Variants in TEKT4 observed in about 807,000 individuals in gnomAD.
The protein encoded by TEKT4 is tektin 4.
In TEKT4, 46 loss-of-function variants were observed where a neutral mutation model predicts 46.0. The observed-to-expected ratio is 1.00, with a 90% CI of 0.79 to 1.28. The LOEUF (loss-of-function observed/expected upper bound fraction) is 1.28, where lower values mean the gene tolerates loss of function less well. Ranked by LOEUF, TEKT4 falls within the 50% of genes most tolerant of loss-of-function variation. The probability of loss-of-function intolerance (pLI) is 0.00; values close to 1 mark genes in which losing one functional copy is unlikely to be tolerated. For synonymous variants in TEKT4, 325 were observed against 265.8 expected, an observed-to-expected ratio of 1.22 and a Z score of -2.17; for missense variants, 790 against 622.9, an observed-to-expected ratio of 1.27 and a Z score of -2.85.
At position 94,873,397 on chromosome 2, in the gene TEKT4, A is replaced by T. The variant is rs1208399172; in HGVS notation, c.499-123A>T. ...GAGAGAGCAGAACTTACACAGTCAG[A>T]GCTCAGGCCCGGCATTCAACTCCTT... On this transcript the variant is annotated intron_variant, in intron 1 of 5. Transcript: ENST00000295201. 6.1e-4 allele frequency: 949 copies of T among 1,551,566 alleles called. 11 individuals carry two copies. The highest frequency in any genetic ancestry group is 1.2e-4 in the Non-Finnish European group (140 of 1,150,586).
chr2:94,873,084 T>C (rs1680652044), intron 1 of TEKT4: 9 of 1,253,268 alleles, frequency 7.2e-6, no homozygotes, highest in Non-Finnish European at 9.3e-6. Flanking sequence ...ACAGGGTCCT[T>C]CTCCTGTTCT....
At position 94,874,125 on chromosome 2, in the gene TEKT4, C is replaced by A. The variant is rs782386782; in HGVS notation, c.713+17C>A. The A allele has an allele frequency of 2.9e-5, 47 of 1,610,534 alleles. No individual in the cohort carries two copies. The South Asian group carries it at 4.0e-4, about 14-fold the overall frequency. On this transcript the variant is annotated intron_variant, in intron 3 of 5. Transcript: ENST00000295201. Reference sequence around the variant, plus strand: ...CCAAGAGAGGTGGGCCCCAGCTCTGCCCCTGCACTTGCCCTGGCTGTGGTC... The same window carrying A: ...CCAAGAGAGGTGGGCCCCAGCTCTGACCCTGCACTTGCCCTGGCTGTGGTC...
chr2:94,875,914 T>C (rs570578131), intron 5 of TEKT4, among the ~76,000 whole-genome samples, 172 bp downstream of exon 5: 6 of 152,260 alleles, frequency 3.9e-5, no homozygotes, highest in South Asian at 4.2e-4. Context: ...CACACAGACA[T>C]ACACATGACA....
At chr2:94,872,129 C>G in intron 1 of TEKT4, 52 bp downstream of exon 1, 2 of 1,472,862 alleles carry the variant, frequency 1.4e-6, no homozygotes, top group South Asian at 2.7e-5. Flanking sequence ...AGGAGGAGCC[C>G]CCCCCCCCGC....
rs782615593 is a variant in TEKT4 at position 94,874,095 on chromosome 2, A to C, written c.700A>C (p.Thr234Pro). Residue 234 changes from threonine to proline, a missense_variant, in exon 3 of 6, where the codon ACC becomes CCC. Thr to Pro is a conservative substitution (Grantham distance 38). Transcript: ENST00000295201. The part of the protein sequence containing the change: ...TEVQAHPYST[T>P]FQESASTPET... ...GGTGCAGGCTCATCCGTACTCCACC[A>C]CCTTCCAAGAGAGGTGGGCCCCAGC... 5.6e-6 allele frequency: 9 copies of C among 1,613,248 alleles called. No individual in the cohort carries two copies. In the African/African-American group the frequency reaches 9.3e-5, roughly 17 times the overall value.
At position 94,875,635 on chromosome 2, in the gene TEKT4, G is replaced by A. The variant is rs1680810268; in HGVS notation, c.984G>A (p.Lys328=). The A allele has an allele frequency of 6.2e-7, 1 of 1,614,176 alleles. No homozygotes were observed. The highest frequency in any genetic ancestry group is 1.7e-5 in the Admixed American group (1 of 60,028). Reference sequence around the variant, plus strand: ...AGGAACACAACGTGGCGGCACTGAAGCAGGCCATCAAGGACAAAGAGGCAC... The same window carrying A: ...AGGAACACAACGTGGCGGCACTGAAACAGGCCATCAAGGACAAAGAGGCAC... The part of the protein sequence containing the change: ...TDQEHNVAAL[K]QAIKDKEAPL... The change falls in exon 5 of 6, where the codon AAG becomes AAA. Residue 328 remains lysine (K), a synonymous_variant. Coordinates refer to ENST00000295201, the MANE Select transcript of TEKT4 (RefSeq NM_144705.4).
chr2:94,872,185 C>A (rs1280903712), intron 1 of TEKT4, 108 bp downstream of exon 1: 3 of 1,392,598 alleles, frequency 2.2e-6, no homozygotes, highest in African/African-American at 2.9e-5. Context: ...ACGCGGGAGC[C>A]CAGCCCTCTG....
intron 1 of TEKT4, chr2:94,872,944 T>C (rs111812103): frequency 1.5e-5 from 19 of 1,289,098 alleles, no homozygotes; most frequent in South Asian, 6.2e-5. Context: ...AACCCAGGGA[T>C]AGAGGGGCGC....
intron 4 of TEKT4, among the ~76,000 whole-genome samples, chr2:94,875,357 C>G (rs1413106067): frequency 6.6e-6 from 1 of 152,172 alleles, no homozygotes; most frequent in Non-Finnish European, 1.5e-5. Context: ...TGGTGACCAC[C>G]AAGGATGGGG....
rs200497825 is a variant in TEKT4, at chr2:94,876,539, C to A, written c.1092-14C>A. 2.1e-4 allele frequency: 327 copies of A among 1,594,686 alleles called. No individual in the cohort carries two copies. Among genetic ancestry groups the A allele is most frequent in the Non-Finnish European group, 2.6e-4 (308 of 1,172,282 alleles). On this transcript the variant is annotated splice_polypyrimidine_tract_variant and intron_variant, in intron 5 of 5. Transcript: ENST00000295201. ...CCTCCCTAGCCCCGGCTCACACCCCCCCAACACCCCCAGGCTGTTGAGTGA... is the reference window on the plus strand; with the variant it reads ...CCTCCCTAGCCCCGGCTCACACCCCACCAACACCCCCAGGCTGTTGAGTGA...
Position 94,874,794 on chromosome 2 carries a change from C to A in TEKT4, c.732C>A (p.Thr244=), listed in dbSNP as rs782623167. 1.9e-6 allele frequency: 3 copies of A among 1,589,316 alleles called. No homozygotes were observed. In the Admixed American group the frequency reaches 5.2e-5, roughly 28 times the overall value. ...TFQESASTPE[T]RAKFTQDNLC... ...CCCGCAGCGCCTCCACCCCGGAGAC[C>A]CGGGCCAAGTTCACGCAGGACAATC... Residue 244 remains threonine, a synonymous_variant, in exon 4 of 6, where the codon ACC becomes ACA. Coordinates refer to ENST00000295201, the MANE Select transcript of TEKT4 (RefSeq NM_144705.4).
In TEKT4 at chr2:94,873,531, C is replaced by CA; in HGVS notation, c.511dup (p.Ile171AsnfsTer127). 1 of 1,612,446 alleles carries CA rather than the reference C, an allele frequency of 6.2e-7. No homozygotes were observed. The highest frequency in any genetic ancestry group is 1.1e-5 in the South Asian group (1 of 91,002). On this transcript the variant is annotated frameshift_variant, in exon 2 of 6. Coordinates refer to ENST00000295201, the MANE Select transcript of TEKT4 (RefSeq NM_144705.4). LOFTEE classifies it high-confidence loss of function. ...GTCTCCTCCCTCAGGAAGCCGAGCT[C>CA]ATCCGGAACATTCAGGAGCTGCTGA...
In TEKT4 at chr2:94,871,713, T is replaced by TC; in HGVS notation, c.136dup (p.Gln46ProfsTer63). On this transcript the variant is annotated frameshift_variant, in exon 1 of 6. Coordinates refer to ENST00000295201, the MANE Select transcript of TEKT4 (RefSeq NM_144705.4). LOFTEE classifies it high-confidence loss of function. ...TCCAAGTACCTGCTGGAGGAGTGGT[T>TC]CCAGAACTGCTATGCTCGCTACCAC... 3 of 1,612,552 alleles carry TC rather than the reference T, an allele frequency of 1.9e-6. No homozygotes were observed. Among genetic ancestry groups the TC allele is most frequent in the Non-Finnish European group, 2.5e-6 (3 of 1,179,908 alleles).
In TEKT4 at chr2:94,874,896, C is replaced by T. The variant is rs782184577; in HGVS notation, c.834C>T (p.Ser278=). The T allele has an allele frequency of 1.3e-5, 21 of 1,611,766 alleles. No homozygotes were observed. The highest frequency in any genetic ancestry group is 1.7e-5 in the Admixed American group (1 of 59,888). ...VLVDCILRDT[S]EDLRLQCDAV... is the part of the protein sequence containing the mutation. ...TGGACTGCATCCTTCGCGACACCTC[C>T]GAGGACCTGCGGCTCCAGTGCGACG... Residue 278 remains serine, a synonymous_variant, in exon 4 of 6, where the codon TCC becomes TCT. Coordinates refer to ENST00000295201, the MANE Select transcript of TEKT4 (RefSeq NM_144705.4).
chr2:94,873,029 T>G, intron 1 of TEKT4: 1 of 1,287,732 alleles, frequency 7.8e-7, no homozygotes, highest in African/African-American at 1.5e-5. Flanking sequence ...AAAAGGCTTG[T>G]TCCTACACAC....
At position 94,872,909 on chromosome 2, in the gene TEKT4, G is replaced by A. The variant is rs1241814288; in HGVS notation, c.499-611G>A. On this transcript the variant is annotated intron_variant, in intron 1 of 5. Transcript: ENST00000295201. ...ACAAGGGCACCTGCCAACTGATGGAGACACTGACAGTGCACGGAGAGGCAA... is the reference window on the plus strand; with the variant it reads ...ACAAGGGCACCTGCCAACTGATGGAAACACTGACAGTGCACGGAGAGGCAA... The A allele has an allele frequency of 4.7e-6, 6 of 1,289,306 alleles. No individual in the cohort carries two copies. In the South Asian group the frequency reaches 4.9e-5, roughly 11 times the overall value. 79.9% of individuals were successfully genotyped at this position (1,289,306 alleles called of 1,614,324 possible).
At chr2:94,873,615 T>A (rs782688169) in intron 2 of TEKT4, 25 bp downstream of exon 2, 4 of 1,613,180 alleles carry the variant, frequency 2.5e-6, no homozygotes, top group Non-Finnish European at 3.4e-6. Context: ...GCCCAAGGGA[T>A]GATTCCTGAC....
At position 94,875,618 on chromosome 2, in the gene TEKT4, A is replaced by G. The variant is rs1553396243; in HGVS notation, c.967A>G (p.Asn323Asp). The G allele has an allele frequency of 1.2e-6, 2 of 1,614,140 alleles. No individual in the cohort carries two copies. Among genetic ancestry groups the G allele is most frequent in the Admixed American group, 1.7e-5 (1 of 60,028 alleles). Residue 323 changes from asparagine (N) to aspartate (D), a missense_variant, in exon 5 of 6, where the codon AAC (asparagine) becomes GAC (aspartate). Transcript: ENST00000295201. Reference sequence around the variant, plus strand: ...GCGGGAAATCACAGATCAGGAACACAACGTGGCGGCACTGAAGCAGGCCAT... The same window carrying G: ...GCGGGAAATCACAGATCAGGAACACGACGTGGCGGCACTGAAGCAGGCCAT... Reference protein sequence around the residue: ...TLREITDQEHNVAALKQAIKD... With the variant: ...TLREITDQEHDVAALKQAIKD...
intron 3 of TEKT4, 58 bp from the exon 4 acceptor site, chr2:94,874,718 G>A (rs1369647476): frequency 1.0e-4 from 147 of 1,450,536 alleles, no homozygotes; most frequent in Non-Finnish European, 1.4e-5. Context: ...GCGCAGCAGG[G>A]CTCCCAGCCT....
Sources: allele counts gnomAD v4.1 joint callset (sites outside exome capture counted in the v4.1 genomes callset), GRCh38; gene constraint gnomAD v4.1.1; transcripts MANE v1.5; gene names NCBI Gene and HGNC (gene_info 2026-07-23, HGNC 2026-07-21).